The following UBXN6 variants were observed in gnomAD, a reference collection of about 807,000 sequenced individuals.
UBXN6 encodes the protein UBX domain-containing protein 6.
Under a neutral mutation model 51.4 loss-of-function variants are expected in UBXN6, and 44 were observed. That is an observed-to-expected ratio of 0.86 (90% CI 0.67 to 1.10). The LOEUF (loss-of-function observed/expected upper bound fraction) is 1.10. Ranked by LOEUF, UBXN6 falls within the 50% of genes least tolerant of loss-of-function variation. The probability of loss-of-function intolerance (pLI) is 0.00; values close to 1 mark genes in which losing one functional copy is unlikely to be tolerated. For synonymous variants in UBXN6, 316 were observed against 263.2 expected, an observed-to-expected ratio of 1.20 and a Z score of -1.94; for missense variants, 672 against 596.1, an observed-to-expected ratio of 1.13 and a Z score of -1.32.
At chr19:4,457,794 TTAAAAAAAAA>T (rs1356377409), upstream of UBXN6, 13 of 161,518 alleles carry the variant, frequency 8.0e-5, no homozygotes, top group South Asian at 5.0e-4. Context: ...CGGAAGAAAA[TTAAAAAAAAA>T]AAAAAAAAAA....
chr19:4,455,818 C>T (rs1009479619), intron 1 of UBXN6, among the ~76,000 whole-genome samples: 1 of 152,160 alleles, frequency 6.6e-6, no homozygotes, highest in East Asian at 1.9e-4. Context: ...GATTTCCCCA[C>T]AGCTGAGTCT....
At chr19:4,457,309 C>G (rs1302311550) in intron 1 of UBXN6, among the ~76,000 whole-genome samples, 1 of 147,302 alleles carries the variant, frequency 6.8e-6, no homozygotes, top group East Asian at 2.0e-4. Context: ...TCCTGCGGCC[C>G]CGCCCCCGAG....
intron 1 of UBXN6, among the ~76,000 whole-genome samples, 170 bp downstream of exon 1, chr19:4,457,445 C>A (rs559799399): frequency 2.3e-4 from 31 of 135,368 alleles, no homozygotes; most frequent in African/African-American, 7.9e-4. Context: ...CTGACGCCCA[C>A]CCTCGGCCCG....
chr19:4,448,285 G>T (rs757451645), intron 5 of UBXN6, 33 bp downstream of exon 5: 3 of 1,559,064 alleles, frequency 1.9e-6, no homozygotes, highest in East Asian at 2.4e-5. Flanking sequence ...TGAGCTGGAG[G>T]GGCCAGGCAG....
At chr19:4,454,388 C>T (rs1245383355) in intron 1 of UBXN6, among the ~76,000 whole-genome samples, 6 of 152,186 alleles carry the variant, frequency 3.9e-5, no homozygotes, top group Admixed American at 3.9e-4. Flanking sequence ...GGGGTGACAG[C>T]ACCCCTCCTG....
intron 8 of UBXN6, 23 bp from the exon 9 acceptor site, chr19:4,446,436 G>C (rs748110180): frequency 2.5e-6 from 4 of 1,579,116 alleles, no homozygotes; most frequent in Non-Finnish European, 3.4e-6. Flanking sequence ...GCCAGGTCAC[G>C]AGGGCTGGCC....
intron 6 of UBXN6, 160 bp downstream of exon 6, chr19:4,447,390 G>A (rs1002779837): frequency 1.4e-6 from 1 of 720,970 alleles, no homozygotes; most frequent in Non-Finnish European, 2.4e-6. Context: ...TCTCCATCTT[G>A]TCCTGCTACC....
At chr19:4,456,043 A>G (rs1658351631) in intron 1 of UBXN6, among the ~76,000 whole-genome samples, 1 of 149,372 alleles carries the variant, frequency 6.7e-6, no homozygotes, top group African/African-American at 2.5e-5. Flanking sequence ...CTTGGTGCCC[A>G]CCCACCCCAC....
In UBXN6 at chr19:4,445,398, A is replaced by G. The variant is rs897782414; in HGVS notation, c.*100T>C. On this transcript the variant is annotated 3_prime_UTR_variant, in exon 11 of 11. Transcript: ENST00000301281. ...CTCCCGTGCCCATGGGGCAGAGCCAAGTATTTCCAGAGGTGGCTTGGAGGC... is the reference window on the plus strand; with the variant it reads ...CTCCCGTGCCCATGGGGCAGAGCCAGGTATTTCCAGAGGTGGCTTGGAGGC... 1.5e-5 allele frequency: 24 copies of G among 1,563,654 alleles called. No individual in the cohort carries two copies. The highest frequency in any genetic ancestry group is 2.0e-5 in the Non-Finnish European group (23 of 1,150,766).
rs243395 is a variant in UBXN6, at chr19:4,452,500, G to T, written c.313-8C>A. The T allele has an allele frequency of 6.2e-7, 1 of 1,607,458 alleles. No homozygotes were observed. Among genetic ancestry groups the T allele is most frequent in the Non-Finnish European group, 8.5e-7 (1 of 1,178,310 alleles). On this transcript the variant is annotated splice_region_variant and splice_polypyrimidine_tract_variant and intron_variant, in intron 3 of 10. Coordinates refer to ENST00000301281, the MANE Select transcript of UBXN6 (RefSeq NM_025241.3). Reference sequence around the variant, plus strand: ...CTCTCTGGGCTCAGATACCTGGGGCGGTGAAAGCGTCCAAGTCTGGACCGT... The same window carrying T: ...CTCTCTGGGCTCAGATACCTGGGGCTGTGAAAGCGTCCAAGTCTGGACCGT...
In UBXN6 at chr19:4,452,458, A is replaced by T. The variant is rs1373759377; in HGVS notation, c.347T>A (p.Leu116Gln). ...GGTGAAGTACACGCCAGGCACAGCC[A>T]GGTGGGCAGAGCCTTCCTCTCTGGG... The part of the protein sequence containing the change: ...SEPREEGSAH[L>Q]AVPGVYFTCP... The change falls in exon 4 of 11, where the codon CTG becomes CAG. Residue 116 changes from leucine (L) to glutamine (Q), a missense_variant. Leu to Gln is a moderately radical substitution (Grantham distance 113). Transcript: ENST00000301281. 5 of 1,611,832 alleles carry T rather than the reference A, an allele frequency of 3.1e-6. No individual in the cohort carries two copies. The highest frequency in any genetic ancestry group is 2.1e-4 in the Middle Eastern group (1 of 4,698).
chr19:4,455,263 T>G lies in UBXN6; in HGVS notation c.84-1170A>C, dbSNP rs369996640. 6.1e-6 allele frequency: 6 copies of G among 985,360 alleles called. No individual in the cohort carries two copies. In the African/African-American group the frequency reaches 8.7e-5, roughly 14 times the overall value. The allele number at this position is 985,360 out of a possible 1,614,324, so 61.0% of individuals were successfully genotyped here. A position where few individuals can be genotyped will look rare whatever the true frequency, so the allele number is the denominator to read the frequency against. On this transcript the variant is annotated intron_variant, in intron 1 of 10. Transcript: ENST00000301281. ...GTGCCGTAGGTCTATTAAAACCTTC[T>G]GGGAGGCCAGGCTCTCAGTTCAAGC...
chr19:4,453,558 G>A, intron 2 of UBXN6, 36 bp from the exon 3 acceptor site: 5 of 1,608,628 alleles, frequency 3.1e-6, no homozygotes, highest in Non-Finnish European at 3.4e-6. Flanking sequence ...GCAGAGACGG[G>A]ATAGTGAGCA....
At chr19:4,445,834 G>A (rs963532056) in intron 10 of UBXN6, 51 of 1,037,034 alleles carry the variant, frequency 4.9e-5, no homozygotes, top group South Asian at 3.0e-4. Flanking sequence ...GCACGTCACC[G>A]CTCCCATTTG....
intron 6 of UBXN6, chr19:4,447,326 G>A: frequency 3.4e-6 from 2 of 590,002 alleles, no homozygotes; most frequent in African/African-American, 1.9e-5. Context: ...AAGGATGCAG[G>A]TGAGGAGAGG....
intron 1 of UBXN6, 98 bp downstream of exon 1, chr19:4,457,517 T>A: frequency 7.7e-6 from 7 of 912,954 alleles, no homozygotes; most frequent in East Asian, 1.0e-4. Flanking sequence ...TCCCAGCCCC[T>A]CATCCTCTCC....
chr19:4,447,333 G>A (rs551227182), intron 6 of UBXN6: 4 of 593,014 alleles, frequency 6.7e-6, no homozygotes, highest in South Asian at 2.0e-5. Flanking sequence ...CAGGTGAGGA[G>A]AGGCAGAATT....
intron 4 of UBXN6, 146 bp downstream of exon 4, chr19:4,452,218 T>G: frequency 2.7e-6 from 3 of 1,116,280 alleles, no homozygotes; most frequent in Non-Finnish European, 3.8e-6. Flanking sequence ...TGTGCCTGGA[T>G]TTGGGGTATC....
At chr19:4,452,560 C>T (rs918717027) in intron 3 of UBXN6, 68 bp from the exon 4 acceptor site, 13 of 1,542,450 alleles carry the variant, frequency 8.4e-6, no homozygotes, top group African/African-American at 1.4e-5. Flanking sequence ...CCGAGCACCA[C>T]AGTCCTGAGT....
Sources: gnomAD v4.1 joint callset for allele counts (sites outside exome capture counted in the v4.1 genomes callset) on GRCh38, gnomAD v4.1.1 for gene constraint, MANE v1.5 for transcripts, NCBI Gene and HGNC (gene_info 2026-07-23, HGNC 2026-07-21) for gene names.